PRKAR1A: variants seen among roughly 807,000 people sequenced by gnomAD.
PRKAR1A encodes the protein cAMP-dependent protein kinase type I-alpha regulatory subunit.
A neutral mutation model predicts 52.0 loss-of-function variants in PRKAR1A; 3 were observed. The ratio of observed to expected loss-of-function variants is 0.06; its 90% CI spans 0.03 to 0.15. The LOEUF is 0.15. Ranked by LOEUF, PRKAR1A falls within the 10% of genes least tolerant of loss-of-function variation. The pLI is 1.00. For missense variants in PRKAR1A, 240 were observed against 477.4 expected, an observed-to-expected ratio of 0.50 and a Z score of 4.63; for synonymous variants, 188 against 168.4, an observed-to-expected ratio of 1.12 and a Z score of -0.90.
the PRKAR1A span, among the ~76,000 whole-genome samples, chr17:68,441,610 A>T: frequency 6.6e-6 from 1 of 152,192 alleles, no homozygotes; most frequent in Non-Finnish European, 1.5e-5. Flanking sequence ...CATGTCACTG[A>T]AGCGCAGCTC....
At chr17:68,415,442 ATGGTCTGTCT>A in the PRKAR1A span, among the ~76,000 whole-genome samples, 2 of 152,242 alleles carry the variant, frequency 1.3e-5, no homozygotes, top group Middle Eastern at 6.8e-3. Context: ...GGCCTATTGT[ATGGTCTGTCT>A]TGGAGAAAGT....
At chr17:68,471,983 A>G in the PRKAR1A span, among the ~76,000 whole-genome samples, 1 of 152,036 alleles carries the variant, frequency 6.6e-6, no homozygotes, top group African/African-American at 2.4e-5. Flanking sequence ...TTGTATTTTT[A>G]GTAGAGACGG....
At chr17:68,461,834 G>C in the PRKAR1A span, among the ~76,000 whole-genome samples, 2 of 152,244 alleles carry the variant, frequency 1.3e-5, no homozygotes, top group African/African-American at 4.8e-5. This position sits in a 1 kb window ranked among gnomAD's most constrained non-coding sequence, Gnocchi z 4.6. Context: ...GAAGAGGAGG[G>C]GTTGGGCTGT....
the PRKAR1A span, among the ~76,000 whole-genome samples, chr17:68,491,170 CA>C: frequency 6.6e-6 from 1 of 151,426 alleles, no homozygotes; most frequent in East Asian, 1.9e-4. Flanking sequence ...CAGCTCACTG[CA>C]ACGTCTGCCT....
Position 68,531,123 on chromosome 17 carries a change from G to A in PRKAR1A, c.*674G>A, listed in dbSNP as rs973467047. 1.1e-5 allele frequency: 12 copies of A among 1,065,754 alleles called. No individual in the cohort carries two copies. The African/African-American group carries it at 1.6e-4, about 15-fold the overall frequency. 66.0% of individuals were successfully genotyped at this position (1,065,754 alleles called of 1,614,324 possible). On this transcript the variant is annotated 3_prime_UTR_variant, in exon 11 of 11. Transcript: ENST00000589228. Reference sequence around the variant, plus strand: ...TCTTCTCCAATTCTGAAATACTTTTGAGTATGGCTATCTATACCTGCCTTT... The same window carrying A: ...TCTTCTCCAATTCTGAAATACTTTTAAGTATGGCTATCTATACCTGCCTTT...
At chr17:68,449,489 T>A in the PRKAR1A span, among the ~76,000 whole-genome samples, 12 of 152,328 alleles carry the variant, frequency 7.9e-5, no homozygotes, top group African/African-American at 2.9e-4. Context: ...TCCCCAAATC[T>A]CATGTCGAAT....
chr17:68,546,646 C>T (rs1217717847), intron 11 of PRKAR1A, among the ~76,000 whole-genome samples: 3 of 151,912 alleles, frequency 2.0e-5, no homozygotes, highest in East Asian at 1.9e-4. Context: ...CTGGCTAACA[C>T]GGTGAAACCC....
At chr17:68,422,998 G>A in the PRKAR1A span, among the ~76,000 whole-genome samples, 1 of 152,188 alleles carries the variant, frequency 6.6e-6, no homozygotes, top group Non-Finnish European at 1.5e-5. Context: ...GGAAGTGTCA[G>A]TATGTGTTCT....
At chr17:68,421,688 A>G in the PRKAR1A span, 89 of 1,590,836 alleles carry the variant, frequency 5.6e-5, no homozygotes, top group Non-Finnish European at 7.6e-5. Flanking sequence ...TGCTCACACA[A>G]TTGCACTCCA....
At chr17:68,432,298 A>T in the PRKAR1A span, among the ~76,000 whole-genome samples, 2 of 152,192 alleles carry the variant, frequency 1.3e-5, no homozygotes, top group Non-Finnish European at 2.9e-5. Context: ...GACCTCAGGC[A>T]GCGTGGGCTT....
upstream of PRKAR1A, among the ~76,000 whole-genome samples, chr17:68,510,469 A>G (rs947930899): frequency 4.6e-5 from 7 of 152,198 alleles, no homozygotes; most frequent in African/African-American, 9.7e-5. Context: ...TCATCCTTTT[A>G]TGACCGAGGA....
At position 68,532,629 on chromosome 17, in the gene PRKAR1A, T is replaced by C. The variant is rs2086007213; in HGVS notation, c.*2180T>C. 9.4e-7 allele frequency: 1 copy of C among 1,066,098 alleles called. No individual in the cohort carries two copies. Among genetic ancestry groups the C allele is most frequent in the African/African-American group, 1.6e-5 (1 of 61,110 alleles). The allele number at this position is 1,066,098 out of a possible 1,614,324, so 66.0% of individuals were successfully genotyped here. On this transcript the variant is annotated 3_prime_UTR_variant, in exon 11 of 11. Transcript: ENST00000589228. ...ATGAGATTTACTGCTCTAGAAAGTA[T>C]AGATGGCCAAAGGACCGTTTTGTAT... is the stretch of plus-strand genomic sequence containing the variant.
At chr17:68,472,069 G>A in the PRKAR1A span, among the ~76,000 whole-genome samples, 20 of 152,182 alleles carry the variant, frequency 1.3e-4, no homozygotes, top group Non-Finnish European at 2.9e-5. Flanking sequence ...CTCCCAATGT[G>A]CTGGTATGAC....
chr17:68,515,655 T>C (rs1476623327), intron 2 of PRKAR1A, 79 bp downstream of exon 2: 2 of 1,483,180 alleles, frequency 1.3e-6, no homozygotes, highest in African/African-American at 1.4e-5. Flanking sequence ...CTAATTTGTA[T>C]TTTTTGGAAG....
At chr17:68,428,045 C>T in the PRKAR1A span, among the ~76,000 whole-genome samples, 231 of 152,140 alleles carry the variant, frequency 1.5e-3, 1 homozygote, top group African/African-American at 5.0e-3. Flanking sequence ...GCATGTACCA[C>T]CATGCCTGGC....
the PRKAR1A span, chr17:68,422,384 G>A: frequency 6.9e-5 from 10 of 144,218 alleles, no homozygotes; most frequent in South Asian, 8.6e-4. Context: ...AGCCGAGATC[G>A]CACCACTGCA....
chr17:68,515,264 G>A (rs1340714730), intron 1 of PRKAR1A, 130 bp from the exon 2 acceptor site: 2 of 1,023,814 alleles, frequency 2.0e-6, no homozygotes, highest in African/African-American at 3.2e-5. Flanking sequence ...CCACTTCCCT[G>A]TTTAAAAACA....
At chr17:68,458,683 A>G in the PRKAR1A span, among the ~76,000 whole-genome samples, 2 of 152,246 alleles carry the variant, frequency 1.3e-5, no homozygotes, top group African/African-American at 4.8e-5. Context: ...AAAGCTGAGT[A>G]CTGTACATGT....
chr17:68,538,577 G>T (rs1009319806), intron 11 of PRKAR1A, among the ~76,000 whole-genome samples: 1 of 152,254 alleles, frequency 6.6e-6, no homozygotes, highest in Non-Finnish European at 1.5e-5. Context: ...TAGAGAAATG[G>T]TGGCCAAGCA....
Sources: gnomAD v4.1 joint callset for allele counts (sites outside exome capture counted in the v4.1 genomes callset) on GRCh38, gnomAD v4.1.1 for gene constraint, Gnocchi (gnomAD v3.1) non-coding constraint, MANE v1.5 for transcripts, NCBI Gene and HGNC (gene_info 2026-07-23, HGNC 2026-07-21) for gene names.